The following ARHGAP26 variants were observed in gnomAD, a reference collection of about 807,000 sequenced individuals.
ARHGAP26 encodes the protein rho GTPase-activating protein 26.
Under a neutral mutation model 104.8 loss-of-function variants are expected in ARHGAP26, and 38 were observed. The observed-to-expected ratio is 0.36, with a 90% CI of 0.28 to 0.48. The LOEUF (loss-of-function observed/expected upper bound fraction) is 0.48. ARHGAP26 is among the 20% of genes least tolerant of loss of function. The pLI is 0.99. For synonymous variants in ARHGAP26, 341 were observed against 340.0 expected (o/e 1.00, Z -0.03); for missense variants, 704 against 947.9 (o/e 0.74, Z 3.38).
chr5:142,863,283 G>C (rs1336115010), intron 1 of ARHGAP26, among the ~76,000 whole-genome samples: 2 of 152,030 alleles, frequency 1.3e-5, no homozygotes, highest in Non-Finnish European at 2.9e-5. Context: ...GCTAATTTTT[G>C]TATTAGCCAG....
chr5:142,927,769 T>C (rs950963271), intron 10 of ARHGAP26, among the ~76,000 whole-genome samples: 8 of 152,242 alleles, frequency 5.3e-5, no homozygotes, highest in African/African-American at 1.9e-4. Flanking sequence ...CATCAACTTA[T>C]TCTCCCATCA....
In ARHGAP26 at chr5:143,153,332, A is replaced by G. The variant is rs113396242; in HGVS notation, c.1988+5951A>G. On this transcript the variant is annotated intron_variant, in intron 20 of 22. Transcript: ENST00000645722. ...CTGGTCTCTGGACCTGAGCATGCCC[A>G]CTACCACCATCTTCCACTGTCTCTG... is the stretch of plus-strand genomic sequence containing the variant. Among the ~76,000 whole-genome samples the G allele has an allele frequency of 4.5e-3, 678 of 152,282 alleles. 7 individuals carry two copies. Among genetic ancestry groups the G allele is most frequent in the African/African-American group, 0.016 (648 of 41,568 alleles).
intron 8 of ARHGAP26, among the ~76,000 whole-genome samples, chr5:142,905,890 G>A (rs1761041352): frequency 6.6e-6 from 1 of 152,106 alleles, no homozygotes; most frequent in South Asian, 2.1e-4. Flanking sequence ...AGTTTTGCCA[G>A]TTGTATCAAT....
chr5:142,808,693 C>T (rs1345338015), intron 1 of ARHGAP26, among the ~76,000 whole-genome samples: 1 of 152,080 alleles, frequency 6.6e-6, no homozygotes, highest in Non-Finnish European at 1.5e-5. Flanking sequence ...AGACCCCTCC[C>T]AGCTGGTGGT....
At chr5:143,059,001 A>T (rs1049848628) in intron 17 of ARHGAP26, among the ~76,000 whole-genome samples, 1 of 152,222 alleles carries the variant, frequency 6.6e-6, no homozygotes, top group African/African-American at 2.4e-5. Context: ...AATCCCGATG[A>T]AGCATGTTTA....
chr5:142,770,722 C>T lies in ARHGAP26; in HGVS notation c.-40C>T, dbSNP rs1597540228. ...CTCTGGGCGGCGGGCGGCCCGGGCC[C>T]CGGCGGAGGCGCGCCCCCCGGCTGG... is the stretch of plus-strand genomic sequence containing the variant. On this transcript the variant is annotated 5_prime_UTR_variant, in exon 1 of 23. Transcript: ENST00000645722. 2 of 1,176,402 alleles carry T rather than the reference C, an allele frequency of 1.7e-6. No individual in the cohort carries two copies. The highest frequency in any genetic ancestry group is 2.1e-6 in the Non-Finnish European group (2 of 945,856). The allele number at this position is 1,176,402 out of a possible 1,614,324, so 72.9% of individuals were successfully genotyped here.
intron 20 of ARHGAP26, among the ~76,000 whole-genome samples, chr5:143,192,137 A>C (rs1806024473): frequency 6.6e-6 from 1 of 152,256 alleles, no homozygotes; most frequent in African/African-American, 2.4e-5. Context: ...GACAACTGCA[A>C]TTCAATGTAG....
chr5:142,902,745 C>T (rs866574374), intron 7 of ARHGAP26, among the ~76,000 whole-genome samples: 2 of 152,192 alleles, frequency 1.3e-5, no homozygotes, highest in South Asian at 4.1e-4. Flanking sequence ...TCAGTGTTGT[C>T]TCAGAGAACA....
rs574566809 is a variant in ARHGAP26, at chr5:142,963,174, A to G, written c.1107+31049A>G. On this transcript the variant is annotated intron_variant, in intron 11 of 22. Transcript: ENST00000645722. ...GTGTAGTATTCCATGGTATATATGT[A>G]TATATATATATATATATATATATAT... 2.5e-3 allele frequency among the ~76,000 whole-genome samples: 147 copies of G among 58,810 alleles called. 3 individuals are homozygous for G. Among genetic ancestry groups the G allele is most frequent in the Admixed American group, 5.3e-3 (31 of 5,898 alleles). 38.6% of individuals were successfully genotyped at this position (58,810 alleles called of 152,430 possible). A position where few individuals can be genotyped will look rare whatever the true frequency, so the allele number is the denominator to read the frequency against.
At position 142,913,421 on chromosome 5, in the gene ARHGAP26, C is replaced by G. The variant is rs184048280; in HGVS notation, c.1028+128C>G. The stretch of plus-strand genomic sequence containing the variant: ...CCTCCCTCCTTCCTTTCCTTCTCCC[C>G]CTGCCTCCTTCCTTTCCTTCTCCAT... On this transcript the variant is annotated intron_variant, in intron 10 of 22. Transcript: ENST00000645722. The G allele has an allele frequency of 9.9e-4, 748 of 754,374 alleles. 6 individuals carry two copies. In the African/African-American group the frequency reaches 0.012, roughly 12 times the overall value. The allele number at this position is 754,374 out of a possible 1,614,324, so 46.7% of individuals were successfully genotyped here.
chr5:142,849,519 C>A (rs1432336699), intron 1 of ARHGAP26, among the ~76,000 whole-genome samples: 2 of 152,190 alleles, frequency 1.3e-5, no homozygotes, highest in Admixed American at 1.3e-4. Flanking sequence ...CTTCATTCAT[C>A]CCCTTCTGAA....
At chr5:143,042,163 T>A (rs1176786783) in intron 14 of ARHGAP26, among the ~76,000 whole-genome samples, 1 of 152,298 alleles carries the variant, frequency 6.6e-6, no homozygotes, top group Non-Finnish European at 1.5e-5. Flanking sequence ...CAAGTGGCAC[T>A]CAGTCACTCA....
rs1786569686 is a variant in ARHGAP26 at position 143,060,685 on chromosome 5, G to A, written c.1538+2938G>A. ...CTGGAGTCATGTGCCTCAAAGCATG[G>A]TTAGAATAACCCGGGGCGCTTGTTT... On this transcript the variant is annotated intron_variant, in intron 17 of 22. Transcript: ENST00000645722. 3.3e-5 allele frequency among the ~76,000 whole-genome samples: 5 copies of A among 152,026 alleles called. No homozygotes were observed. In the South Asian group the frequency reaches 1.0e-3, roughly 32 times the overall value.
At chr5:143,081,224 G>A in intron 17 of ARHGAP26, among the ~76,000 whole-genome samples, 1 of 152,114 alleles carries the variant, frequency 6.6e-6, no homozygotes, top group East Asian at 1.9e-4. Context: ...GTGGATAGAG[G>A]AGGAGAGGAG....
chr5:142,998,184 G>T (rs997989880), intron 11 of ARHGAP26, among the ~76,000 whole-genome samples: 1 of 152,086 alleles, frequency 6.6e-6, no homozygotes, highest in Non-Finnish European at 1.5e-5. Flanking sequence ...CACTTATATA[G>T]ATTTCATATT....
intron 17 of ARHGAP26, among the ~76,000 whole-genome samples, chr5:143,085,662 A>G (rs1790492511): frequency 6.6e-6 from 1 of 152,220 alleles, no homozygotes; most frequent in African/African-American, 2.4e-5. Context: ...GACTTTGAGG[A>G]TAGCGGCAGC....
At chr5:142,919,149 A>G (rs555029347) in intron 10 of ARHGAP26, 10 of 398,138 alleles carry the variant, frequency 2.5e-5, no homozygotes, top group African/African-American at 1.8e-4. Flanking sequence ...AGAGATAATC[A>G]AGTTAAAATG....
chr5:142,890,151 A>AAAAAAAATAT (rs1252590997), intron 5 of ARHGAP26, among the ~76,000 whole-genome samples: 7 of 32,428 alleles, frequency 2.2e-4, no homozygotes, highest in African/African-American at 4.7e-4. Flanking sequence ...AAAAAAAAAA[A>AAAAAAAATAT]ATATATATAT....
At chr5:142,951,317 C>T (rs1483459756) in intron 11 of ARHGAP26, among the ~76,000 whole-genome samples, 1 of 152,220 alleles carries the variant, frequency 6.6e-6, no homozygotes, top group Non-Finnish European at 1.5e-5. Context: ...GCCTCGACCT[C>T]CCAAAGTGCT....
Sources: allele counts gnomAD v4.1 joint callset (sites outside exome capture counted in the v4.1 genomes callset), GRCh38; gene constraint gnomAD v4.1.1; transcripts MANE v1.5; gene names NCBI Gene and HGNC (gene_info 2026-07-23, HGNC 2026-07-21).